The following MAPRE2 variants were observed in gnomAD, a reference collection of about 807,000 sequenced individuals.
MAPRE2 encodes microtubule-associated protein RP/EB family member 2.
In MAPRE2, 13 loss-of-function variants were observed where a neutral mutation model predicts 43.2. The ratio of observed to expected loss-of-function variants is 0.30; its 90% CI spans 0.20 to 0.48. MAPRE2 has a LOEUF of 0.48. MAPRE2 is among the 20% of genes least tolerant of loss of function. The pLI, the probability that MAPRE2 is intolerant of heterozygous loss-of-function variation, is 0.99. For synonymous variants in MAPRE2, 135 were observed against 148.8 expected, an observed-to-expected ratio of 0.91 and a Z score of 0.68; for missense variants, 161 against 400.2, an observed-to-expected ratio of 0.40 and a Z score of 5.10.
chr18:35,132,076 G>A lies in MAPRE2; in HGVS notation c.795G>A (p.Arg265=). 6.2e-7 allele frequency: 1 copy of A among 1,614,196 alleles called. No individual in the cohort carries two copies. The highest frequency in any genetic ancestry group is 8.5e-7 in the Non-Finnish European group (1 of 1,180,040). The change falls in exon 6 of 7, where the codon AGG becomes AGA. Residue 265 remains arginine, a synonymous_variant. Transcript: ENST00000300249. ...KLALEGVEKE[R]DFYFGKLREI... is the part of the protein sequence containing the mutation. ...CCCTTGAAGGCGTGGAAAAGGAAAG[G>A]GATTTCTACTTTGGGAAGTTGAGAG...
At chr18:35,063,948 T>C (rs1164309446) in intron 1 of MAPRE2, among the ~76,000 whole-genome samples, 1 of 135,690 alleles carries the variant, frequency 7.4e-6, no homozygotes, top group African/African-American at 2.8e-5. Context: ...CAGTGAGCTA[T>C]GATGGCACCA....
intron 4 of MAPRE2, among the ~76,000 whole-genome samples, chr18:35,108,335 T>C (rs1477430952): frequency 2.0e-5 from 3 of 152,222 alleles, no homozygotes; most frequent in African/African-American, 7.2e-5. Flanking sequence ...TGTTCCATGG[T>C]ATATATGTAC....
intron 4 of MAPRE2, among the ~76,000 whole-genome samples, chr18:35,119,130 G>T (rs1569010862): frequency 6.6e-6 from 1 of 152,196 alleles, no homozygotes; most frequent in Non-Finnish European, 1.5e-5. Flanking sequence ...GTCTGTGCCA[G>T]ACTGCTGCAG....
At chr18:35,133,303 G>T in intron 6 of MAPRE2, among the ~76,000 whole-genome samples, 1 of 150,420 alleles carries the variant, frequency 6.6e-6, no homozygotes, top group Non-Finnish European at 1.5e-5. Context: ...ATTATTTATT[G>T]GTTATCAATA....
Position 35,118,162 on chromosome 18 carries a change from C to A in MAPRE2, c.611-8786C>A, listed in dbSNP as rs73414668. Among the ~76,000 whole-genome samples the A allele has an allele frequency of 1.2e-3, 183 of 152,094 alleles. 1 individual carries two copies. Among genetic ancestry groups the A allele is most frequent in the African/African-American group, 4.3e-3 (177 of 41,414 alleles). ...AGGGGCAGGCTTTGAGACCACAAGT[C>A]AGCGAAGAGAGGTCCTCAGGTGCTG... On this transcript the variant is annotated intron_variant, in intron 4 of 6. Coordinates refer to ENST00000300249, the MANE Select transcript of MAPRE2 (RefSeq NM_014268.4).
At chr18:35,113,024 G>C (rs942021293) in intron 4 of MAPRE2, among the ~76,000 whole-genome samples, 1 of 152,134 alleles carries the variant, frequency 6.6e-6, no homozygotes, top group African/African-American at 2.4e-5. Flanking sequence ...TCATTCATGA[G>C]GGATCTGCCC....
chr18:35,022,502 G>A (rs2097042547), intron 2 of MAPRE2, among the ~76,000 whole-genome samples: 1 of 152,086 alleles, frequency 6.6e-6, no homozygotes, highest in Non-Finnish European at 1.5e-5. Flanking sequence ...ATTGAATCAT[G>A]CTTTTGAACA....
chr18:35,101,012 C>T (rs942683870), intron 3 of MAPRE2, among the ~76,000 whole-genome samples: 2 of 152,172 alleles, frequency 1.3e-5, no homozygotes, highest in African/African-American at 4.8e-5. Flanking sequence ...GCACTCCATC[C>T]TGGGCGACAA....
chr18:35,039,491 G>A (rs538486088), upstream of MAPRE2, among the ~76,000 whole-genome samples: 5 of 152,352 alleles, frequency 3.3e-5, no homozygotes, highest in South Asian at 1.0e-3. Context: ...AAAGTGAGAT[G>A]TGGACGAAGG....
intron 1 of MAPRE2, among the ~76,000 whole-genome samples, chr18:34,987,111 A>G (rs2097021399): frequency 6.6e-6 from 1 of 152,240 alleles, no homozygotes; most frequent in South Asian, 2.1e-4. Context: ...CAAGAACTAG[A>G]AAATTAGCAA....
At chr18:35,081,794 C>T (rs543062421) in intron 2 of MAPRE2, among the ~76,000 whole-genome samples, 8 of 151,960 alleles carry the variant, frequency 5.3e-5, no homozygotes, top group Admixed American at 2.0e-4. Context: ...CGTGGGTTTG[C>T]GCTGGTCCAC....
At chr18:34,978,968 A>G (rs2097014649) in intron 1 of MAPRE2, among the ~76,000 whole-genome samples, 1 of 152,200 alleles carries the variant, frequency 6.6e-6, no homozygotes, top group Non-Finnish European at 1.5e-5. Flanking sequence ...TGGTAACTTC[A>G]TTGTGCAGCC....
chr18:35,064,506 A>T, intron 1 of MAPRE2, among the ~76,000 whole-genome samples: 1 of 152,178 alleles, frequency 6.6e-6, no homozygotes, highest in South Asian at 2.1e-4. Flanking sequence ...AACACTCATA[A>T]TGCTAGCTAG....
intron 2 of MAPRE2, among the ~76,000 whole-genome samples, chr18:35,095,775 C>T (rs538262671): frequency 6.6e-6 from 1 of 152,086 alleles, no homozygotes; most frequent in Non-Finnish European, 1.5e-5. Flanking sequence ...AAAGAAAGAA[C>T]TGGATAGTGG....
chr18:35,041,348 C>T, upstream of MAPRE2: 2 of 1,439,264 alleles, frequency 1.4e-6, no homozygotes, highest in Non-Finnish European at 1.8e-6. Context: ...GTGCTGCTGC[C>T]GGCGCTCTGA....
chr18:35,059,042 GATTAA>G (rs60546681), intron 1 of MAPRE2, among the ~76,000 whole-genome samples: 19,825 of 152,050 alleles, frequency 0.13, 1,418 homozygotes, highest in East Asian at 0.3. Flanking sequence ...TTGTTGCAAA[GATTAA>G]ATTAAAAAAT....
At chr18:35,051,616 G>T (rs1372188072) in intron 1 of MAPRE2, among the ~76,000 whole-genome samples, 1 of 152,220 alleles carries the variant, frequency 6.6e-6, no homozygotes, top group South Asian at 2.1e-4. Flanking sequence ...AGGAGGACCA[G>T]TTGGGGTCCT....
At chr18:34,977,473 G>A (rs1252752467) in intron 1 of MAPRE2, among the ~76,000 whole-genome samples, 2 of 152,212 alleles carry the variant, frequency 1.3e-5, no homozygotes, top group Admixed American at 6.5e-5. Flanking sequence ...TCGCGACTGC[G>A]CGACCGCGGC....
In MAPRE2 at chr18:35,095,363, T is replaced by TATACACAC. The variant is rs1555917894; in HGVS notation, c.251-2082_251-2081insTACACACA. On this transcript the variant is annotated intron_variant, in intron 2 of 6. Transcript: ENST00000300249. ...AAACAGGATCACATTTTTAAGAAAA[T>TATACACAC]ACACACACACACACACACACACACA... Among the ~76,000 whole-genome samples the TATACACAC allele has an allele frequency of 2.2e-5, 3 of 136,166 alleles. No individual in the cohort carries two copies. In the East Asian group the frequency reaches 6.8e-4, roughly 31 times the overall value. 89.3% of individuals were successfully genotyped at this position (136,166 alleles called of 152,430 possible). A position where few individuals can be genotyped will look rare whatever the true frequency, so the allele number is the denominator to read the frequency against.
Sources: allele counts gnomAD v4.1 joint callset (sites outside exome capture counted in the v4.1 genomes callset), GRCh38; gene constraint gnomAD v4.1.1; transcripts MANE v1.5; gene names NCBI Gene and HGNC (gene_info 2026-07-23, HGNC 2026-07-21).